Variants in USP38 observed in about 807,000 individuals in gnomAD.
USP38 encodes the protein ubiquitin specific peptidase 38.
Under a neutral mutation model 94.3 loss-of-function variants are expected in USP38, and 49 were observed. That is an observed-to-expected ratio of 0.52 (90% CI 0.41 to 0.66). USP38 has a LOEUF of 0.66. Among genes scored for constraint, USP38 ranks in the 30% least tolerant of loss-of-function variants. The pLI, the probability that USP38 is intolerant of heterozygous loss-of-function variation, is 0.00. For synonymous variants in USP38, 468 were observed against 463.6 expected, an observed-to-expected ratio of 1.01 and a Z score of -0.12; for missense variants, 1,128 against 1,229.4, an observed-to-expected ratio of 0.92 and a Z score of 1.23.
In USP38 at chr4:143,206,098, A is replaced by G. The variant is rs756204890; in HGVS notation, c.1275A>G (p.Gln425=). The change falls in exon 6 of 10, where the codon CAA becomes CAG. Residue 425 remains glutamine (Q), a synonymous_variant. Coordinates refer to ENST00000307017, the MANE Select transcript of USP38 (RefSeq NM_032557.6). ...TCAATCAAAGTGCCTGGACTTCTCA[A>G]TCCAATTCTTTGGCGTCTTGCTTGT... ...LILNQSAWTS[Q]SNSLASCLSR... is the part of the protein sequence containing the mutation. 1.2e-6 allele frequency: 2 copies of G among 1,613,794 alleles called. No individual in the cohort carries two copies. The highest frequency in any genetic ancestry group is 3.3e-5 in the Admixed American group (2 of 59,978).
Position 143,185,243 on chromosome 4 carries a change from G to C in USP38, c.-208G>C, listed in dbSNP as rs371351099. On this transcript the variant is annotated 5_prime_UTR_variant, in exon 1 of 10. An upstream open reading frame in the 5' UTR loses its in-frame stop. Transcript: ENST00000307017. ...GGCCAGCCGCAGGTGTCGGTTCTTA[G>C]GCTCTCCAGGCTCGCTAGCTCCCGC... The C allele has an allele frequency of 1.7e-6, 1 of 594,946 alleles. No homozygotes were observed. Among genetic ancestry groups the C allele is most frequent in the Admixed American group, 3.4e-5 (1 of 29,216 alleles). The allele number at this position is 594,946 out of a possible 1,614,324, so 36.9% of individuals were successfully genotyped here.
At chr4:143,215,047 T>G (rs1732147907) in intron 9 of USP38, 104 bp downstream of exon 9, 15 of 1,123,728 alleles carry the variant, frequency 1.3e-5, no homozygotes, top group Non-Finnish European at 1.9e-5. Flanking sequence ...TATTAAATTC[T>G]GAAATATAGG....
intron 4 of USP38, among the ~76,000 whole-genome samples, chr4:143,200,138 G>A (rs537075876): frequency 7.2e-5 from 11 of 151,892 alleles, no homozygotes; most frequent in Non-Finnish European, 1.0e-4. Flanking sequence ...AATGAACATC[G>A]ATACAAAAAT....
chr4:143,214,761 G>A lies in USP38; in HGVS notation c.2785G>A (p.Val929Ile). The change falls in exon 9 of 10, where the codon GTC (valine) becomes ATC (isoleucine). Residue 929 changes from valine (V) to isoleucine (I), a missense_variant. Physicochemically the swap from Val to Ile is conservative, Grantham distance 29. Coordinates refer to ENST00000307017, the MANE Select transcript of USP38 (RefSeq NM_032557.6). ...AGTGACATTTACTTCATTTCAGTCA[G>A]TCCAGAAAATTACGAGCAGGTTTCC... is the stretch of plus-strand genomic sequence containing the variant. ...SRVTFTSFQS[V>I]QKITSRFPKD... 1.2e-6 allele frequency: 2 copies of A among 1,613,728 alleles called. No individual in the cohort carries two copies. Among genetic ancestry groups the A allele is most frequent in the Non-Finnish European group, 8.5e-7 (1 of 1,179,790 alleles).
chr4:143,197,948 A>G (rs368529972), intron 4 of USP38, 24 bp downstream of exon 4: 4 of 1,524,400 alleles, frequency 2.6e-6, no homozygotes, highest in Non-Finnish European at 3.6e-6. Flanking sequence ...TAAACGTTCT[A>G]CTTTGAAAAA....
intron 3 of USP38, among the ~76,000 whole-genome samples, chr4:143,196,159 A>G (rs984938289): frequency 6.6e-6 from 1 of 152,130 alleles, no homozygotes; most frequent in Non-Finnish European, 1.5e-5. Context: ...TACAAAAATT[A>G]GGTTGGCATA....
In USP38 at chr4:143,223,427, A is replaced by G. The variant is rs933143838; in HGVS notation, c.*2971A>G. The stretch of plus-strand genomic sequence containing the variant: ...CAAACAGCCTATTACATTAATGCAC[A>G]TGTGGAAAGAACAAAAATTTTCAAG... On this transcript the variant is annotated 3_prime_UTR_variant, in exon 10 of 10. Coordinates refer to ENST00000307017, the MANE Select transcript of USP38 (RefSeq NM_032557.6). The G allele has an allele frequency of 6.6e-6, 1 of 152,146 alleles. No homozygotes were observed. Among genetic ancestry groups the G allele is most frequent in the East Asian group, 1.9e-4 (1 of 5,198 alleles). 9.4% of individuals were successfully genotyped at this position (152,146 alleles called of 1,614,324 possible).
chr4:143,208,760 T>A (rs564064001), intron 6 of USP38, among the ~76,000 whole-genome samples: 2 of 152,096 alleles, frequency 1.3e-5, no homozygotes, highest in African/African-American at 4.8e-5. Context: ...GTTTTATTTA[T>A]AATTTTTTAA....
intron 4 of USP38, among the ~76,000 whole-genome samples, chr4:143,200,931 C>T (rs374292642): frequency 5.3e-5 from 8 of 152,128 alleles, no homozygotes; most frequent in African/African-American, 1.7e-4. Context: ...GAATCAATAT[C>T]ATTAAAATGG....
intron 7 of USP38, among the ~76,000 whole-genome samples, chr4:143,211,405 G>GTAA (rs1732020425): frequency 6.6e-6 from 1 of 151,936 alleles, no homozygotes; most frequent in Non-Finnish European, 1.5e-5. Context: ...CAGGTAATAA[G>GTAA]GTATATCCCC....
chr4:143,197,906 T>C lies in USP38; in HGVS notation c.1032T>C (p.Ser344=), dbSNP rs778257147. The part of the protein sequence containing the change: ...LSHMLLSFQH[S]PEAFHLIVPH... ...ACATGCTGCTTAGCTTTCAGCATTC[T>C]CCAGAGGCGTTCCATTTGGTAAGTT... Residue 344 remains serine (S), a synonymous_variant, in exon 4 of 10, where the codon TCT becomes TCC. Coordinates refer to ENST00000307017, the MANE Select transcript of USP38 (RefSeq NM_032557.6). The C allele has an allele frequency of 2.4e-5, 38 of 1,612,404 alleles. No homozygotes were observed. Among genetic ancestry groups the C allele is most frequent in the Non-Finnish European group, 3.2e-5 (38 of 1,179,112 alleles).
chr4:143,223,674 A>T lies in USP38; in HGVS notation c.*3218A>T, dbSNP rs1732377856. ...GGAGATCTTCATTTTGATGCTTTGT[A>T]CTTTGTTCCAGGTCTTTAATTCTCA... On this transcript the variant is annotated 3_prime_UTR_variant, in exon 10 of 10. Transcript: ENST00000307017. 6.6e-6 allele frequency: 1 copy of T among 152,046 alleles called. No homozygotes were observed. The highest frequency in any genetic ancestry group is 2.4e-5 in the African/African-American group (1 of 41,438). The allele number at this position is 152,046 out of a possible 1,614,324, so 9.4% of individuals were successfully genotyped here.
chr4:143,220,971 G>A lies in USP38; in HGVS notation c.*515G>A, dbSNP rs973928907. 1.3e-5 allele frequency: 2 copies of A among 152,302 alleles called. No homozygotes were observed. Among genetic ancestry groups the A allele is most frequent in the Non-Finnish European group, 2.9e-5 (2 of 67,980 alleles). The allele number at this position is 152,302 out of a possible 1,614,324, so 9.4% of individuals were successfully genotyped here. A position where few individuals can be genotyped will look rare whatever the true frequency, so the allele number is the denominator to read the frequency against. ...CAATAACAAAATTTATCAAGATATA[G>A]TACTTTTCAGTTTTTGTTTAGTGTC... is the stretch of plus-strand genomic sequence containing the variant. On this transcript the variant is annotated 3_prime_UTR_variant, in exon 10 of 10. Transcript: ENST00000307017.
In USP38 at chr4:143,214,924, A is replaced by G. The variant is rs34578414; in HGVS notation, c.2948A>G (p.Asp983Gly). 1 of 1,611,494 alleles carries G rather than the reference A, an allele frequency of 6.2e-7. No homozygotes were observed. ...QKELMDAITK[D>G]NKLYLQEQEL... is the part of the protein sequence containing the mutation. Reference sequence around the variant, plus strand: ...GAACTTATGGATGCTATAACAAAAGACAATAAACTATATTTACAGGTAAGT... The same window carrying G: ...GAACTTATGGATGCTATAACAAAAGGCAATAAACTATATTTACAGGTAAGT... The change falls in exon 9 of 10, where the codon GAC becomes GGC. Residue 983 changes from aspartate to glycine, a missense_variant. Asp to Gly is a moderately conservative substitution (Grantham distance 94, BLOSUM62 -1). Transcript: ENST00000307017.
chr4:143,195,879 TA>T, intron 3 of USP38, 34 bp downstream of exon 3: 1 of 1,547,950 alleles, frequency 6.5e-7, no homozygotes, highest in Non-Finnish European at 8.7e-7. Context: ...TTAGAATATA[TA>T]GACTCATAAA....
intron 5 of USP38, chr4:143,204,304 T>G: frequency 2.3e-6 from 1 of 426,944 alleles, no homozygotes; most frequent in South Asian, 1.7e-5. Flanking sequence ...ATTTTTGCTG[T>G]GGACTGTTCA....
chr4:143,211,763 C>G (rs1732030416), intron 7 of USP38, among the ~76,000 whole-genome samples: 1 of 152,102 alleles, frequency 6.6e-6, no homozygotes, highest in Non-Finnish European at 1.5e-5. Context: ...TAAGCAGCCT[C>G]TATACTTTAA....
intron 4 of USP38, 73 bp downstream of exon 4, chr4:143,197,997 T>G: frequency 9.6e-7 from 1 of 1,038,868 alleles, no homozygotes; most frequent in Admixed American, 2.3e-5. Context: ...TGAGTCACAT[T>G]TTTATGTAGT....
intron 6 of USP38, among the ~76,000 whole-genome samples, chr4:143,207,065 T>C (rs1046059350): frequency 2.0e-5 from 3 of 152,252 alleles, no homozygotes; most frequent in Admixed American, 1.3e-4. Context: ...TTGTTAGTTA[T>C]GTGAATGCTA....
Sources: allele counts gnomAD v4.1 joint callset (sites outside exome capture counted in the v4.1 genomes callset), GRCh38; gene constraint gnomAD v4.1.1; transcripts MANE v1.5; gene names NCBI Gene and HGNC (gene_info 2026-07-23, HGNC 2026-07-21).